The following DMD variants were observed in gnomAD, a reference collection of about 807,000 sequenced individuals.
DMD encodes the protein mutant dystrophin.
Under a neutral mutation model 330.1 loss-of-function variants are expected in DMD, and 63 were observed. That is an observed-to-expected ratio of 0.19 (90% CI 0.16 to 0.24). The LOEUF (loss-of-function observed/expected upper bound fraction) is 0.24, where lower values mean the gene tolerates loss of function less well. DMD is among the 10% of genes least tolerant of loss of function. The probability of loss-of-function intolerance (pLI) is 1.00; values close to 1 mark genes in which losing one functional copy is unlikely to be tolerated. For synonymous variants in DMD, 1,223 were observed against 959.8 expected (o/e 1.27, Z -5.07); for missense variants, 3,344 against 2,684.1 (o/e 1.25, Z -5.43).
At chrX:31,467,740 G>C (rs2066962838) in intron 59 of DMD, among the ~76,000 whole-genome samples, 1 of 111,615 alleles carries the variant, frequency 9.0e-6, no homozygotes, top group Non-Finnish European at 1.9e-5. Flanking sequence ...AGAAGGAATG[G>C]TACCAGCTCC....
chrX:32,243,460 C>G (rs10521988), intron 43 of DMD, among the ~76,000 whole-genome samples: 10,181 of 111,556 alleles, frequency 0.091, 490 homozygotes, highest in Admixed American at 0.14. Flanking sequence ...AAATGTCTAA[C>G]AATCAGATCC....
At chrX:33,264,712 G>GT (rs66703036) in intron 1 of DMD, among the ~76,000 whole-genome samples, 10 of 105,727 alleles carry the variant, frequency 9.5e-5, no homozygotes, top group East Asian at 9.1e-4. Flanking sequence ...AAAGATAAAG[G>GT]TTTTTTTTTT....
At chrX:32,716,045 A>AAT (rs1194802153) in intron 7 of DMD, among the ~76,000 whole-genome samples, 1 of 111,716 alleles carries the variant, frequency 9.0e-6, no homozygotes, top group Non-Finnish European at 1.9e-5. Flanking sequence ...TGTGCTTTCC[A>AAT]ATATATATTT....
intron 1 of DMD, among the ~76,000 whole-genome samples, chrX:33,048,293 A>G (rs2094409209): frequency 8.9e-6 from 1 of 111,762 alleles, no homozygotes; most frequent in Non-Finnish European, 1.9e-5. Flanking sequence ...TGGCAGAACT[A>G]AAGGAAACCT....
At chrX:32,506,663 G>A (rs1410239266) in intron 18 of DMD, among the ~76,000 whole-genome samples, 2 of 111,720 alleles carry the variant, frequency 1.8e-5, no homozygotes, top group Non-Finnish European at 3.8e-5. Flanking sequence ...AAGAAACTCT[G>A]AAAGTGACAG....
intron 67 of DMD, among the ~76,000 whole-genome samples, chrX:31,189,346 G>A (rs1033277849): frequency 9.0e-6 from 1 of 110,770 alleles, no homozygotes; most frequent in African/African-American, 3.3e-5. Flanking sequence ...CCACTCCCAC[G>A]GGGATTTTGC....
chrX:32,633,003 C>T lies in DMD; in HGVS notation c.1331+11129G>A, dbSNP rs1318846172. ...TCTCCTGAAAATGGGCTTTTATTTT[C>T]TACCACATATCCATGTTGCAAATTT... On this transcript the variant is annotated intron_variant, in intron 11 of 78. Transcript: ENST00000357033. Among the ~76,000 whole-genome samples, 3 of 112,401 alleles carry T rather than the reference C, an allele frequency of 2.7e-5. No homozygotes were observed. The East Asian group carries it at 8.4e-4, about 31-fold the overall frequency.
intron 1 of DMD, among the ~76,000 whole-genome samples, chrX:33,162,964 A>G (rs952361642): frequency 3.6e-4 from 40 of 111,480 alleles, no homozygotes; most frequent in African/African-American, 1.3e-3. Flanking sequence ...TAAACTATTG[A>G]CTGAAGTTTG....
intron 52 of DMD, among the ~76,000 whole-genome samples, chrX:31,691,374 A>G (rs2083110892): frequency 9.0e-6 from 1 of 111,709 alleles, no homozygotes. Context: ...AGGAACAAAG[A>G]ATCTGTAAGA....
At chrX:32,121,870 G>T (rs2096638022) in intron 44 of DMD, among the ~76,000 whole-genome samples, 1 of 107,951 alleles carries the variant, frequency 9.3e-6, no homozygotes, top group African/African-American at 3.4e-5. Context: ...ATAAACAAGG[G>T]TGTGCATTTT....
chrX:32,809,919 C>CAAAAAAAAAAAAAA (rs55898363), intron 6 of DMD, among the ~76,000 whole-genome samples: 4 of 28,658 alleles, frequency 1.4e-4, no homozygotes, highest in Non-Finnish European at 1.7e-4. Flanking sequence ...TTGTTTCTAC[C>CAAAAAAAAAAAAAA]AAAAAAAAAA....
At chrX:31,584,857 TAGA>T (rs1391058383) in intron 55 of DMD, among the ~76,000 whole-genome samples, 2 of 111,030 alleles carry the variant, frequency 1.8e-5, no homozygotes, top group Non-Finnish European at 3.8e-5. Context: ...TTAAAAAGTA[TAGA>T]AGGAGGAGAT....
intron 30 of DMD, among the ~76,000 whole-genome samples, chrX:32,404,888 TC>T (rs1179308704): frequency 9.0e-6 from 1 of 111,364 alleles, no homozygotes; most frequent in East Asian, 2.8e-4. Context: ...TATTGAACAT[TC>T]TTTTTGTCTA....
chrX:32,817,334 G>A (rs189994011), intron 5 of DMD, among the ~76,000 whole-genome samples: 1 of 111,687 alleles, frequency 9.0e-6, no homozygotes, highest in Non-Finnish European at 1.9e-5. Flanking sequence ...ATGTAGCCTT[G>A]GTTCTATTTT....
intron 52 of DMD, among the ~76,000 whole-genome samples, chrX:31,721,627 G>T (rs773597372): frequency 1.1e-3 from 99 of 92,750 alleles, no homozygotes; most frequent in African/African-American, 3.8e-3. Context: ...CTGTATGTGT[G>T]TATATATATA....
chrX:31,317,660 C>A (rs899339870), intron 62 of DMD, among the ~76,000 whole-genome samples: 1 of 108,949 alleles, frequency 9.2e-6, no homozygotes, highest in African/African-American at 3.4e-5. Flanking sequence ...TACAGGCGCC[C>A]GCCACCACGC....
chrX:31,182,789 T>C lies in DMD; in HGVS notation c.9923A>G (p.Lys3308Arg). The C allele has an allele frequency of 1.7e-6, 2 of 1,210,367 alleles. No homozygotes were observed. The highest frequency in any genetic ancestry group is 2.2e-6 in the Non-Finnish European group (2 of 894,949). ...LHRVAAAETA[K>R]HQAKCNICKE... Reference sequence around the variant, plus strand: ...GCAGATGTTACATTTGGCCTGATGCTTGGCAGTTTCTGCAGCAGCCACTCT... The same window carrying C: ...GCAGATGTTACATTTGGCCTGATGCCTGGCAGTTTCTGCAGCAGCCACTCT... Residue 3308 changes from lysine to arginine, a missense_variant, in exon 68 of 79, where the codon AAG (lysine) becomes AGG (arginine). Transcript: ENST00000357033.
At chrX:31,843,085 T>C (rs759979576) in intron 48 of DMD, among the ~76,000 whole-genome samples, 1 of 112,352 alleles carries the variant, frequency 8.9e-6, no homozygotes, top group East Asian at 2.8e-4. Flanking sequence ...TATTTCATAT[T>C]GTATGTGTAC....
chrX:32,067,501 C>T (rs947471141), intron 44 of DMD, among the ~76,000 whole-genome samples: 1 of 110,602 alleles, frequency 9.0e-6, no homozygotes, highest in African/African-American at 3.3e-5. Context: ...ACCCTTGTCT[C>T]CCCCTTTCCT....
Sources: gnomAD v4.1 joint callset for allele counts (sites outside exome capture counted in the v4.1 genomes callset) on GRCh38, gnomAD v4.1.1 for gene constraint, MANE v1.5 for transcripts, NCBI Gene and HGNC (gene_info 2026-07-23, HGNC 2026-07-21) for gene names.